Variants in CSTF2T observed in about 807,000 individuals in gnomAD.
CSTF2T encodes cleavage stimulation factor subunit 2 tau variant, also known as CF-1 64 kDa subunit tau.
In CSTF2T, 18 loss-of-function variants were observed where a neutral mutation model predicts 39.9. The ratio of observed to expected loss-of-function variants is 0.45; its 90% confidence interval spans 0.31 to 0.67. CSTF2T has a LOEUF of 0.67. Among genes scored for constraint, CSTF2T ranks in the 30% least tolerant of loss-of-function variants. The pLI is 0.06. For missense variants in CSTF2T, 681 were observed against 789.0 expected (o/e 0.86, Z 1.64); for synonymous variants, 291 against 276.4 (o/e 1.05, Z -0.52).
At position 51,698,531 on chromosome 10, in the gene CSTF2T, C is replaced by G. The variant is rs1290045936; in HGVS notation, c.1019G>C (p.Gly340Ala). 9.9e-6 allele frequency: 16 copies of G among 1,614,028 alleles called. No individual in the cohort carries two copies. The highest frequency in any genetic ancestry group is 1.4e-5 in the Non-Finnish European group (16 of 1,180,030). ...LGDAPNDPRG[G>A]TLLSVTGEVE... ...TTCTCCAGTGACTGAAAGCAAAGTC[C>G]CTCCACGTGGGTCATTTGGAGCATC... The change falls in exon 1 of 1, where the codon GGG (glycine) becomes GCG (alanine). Residue 340 changes from glycine (G) to alanine (A), a missense_variant. By Grantham distance (60) the Gly-to-Ala change is moderately conservative. Coordinates refer to ENST00000331173, the MANE Select transcript of CSTF2T (RefSeq NM_015235.3).
At position 51,697,630 on chromosome 10, in the gene CSTF2T, C is replaced by T. The variant is rs1214357831; in HGVS notation, c.*69G>A. ...CCAAGTGTGGGGATACAGAAGTCAG[C>T]TTTTTGCACCCATTCTCCATGCTAC... On this transcript the variant is annotated 3_prime_UTR_variant, in exon 1 of 1. Transcript: ENST00000331173. 1.3e-6 allele frequency: 2 copies of T among 1,506,578 alleles called. No individual in the cohort carries two copies. Among genetic ancestry groups the T allele is most frequent in the Non-Finnish European group, 1.8e-6 (2 of 1,100,990 alleles). 93.3% of individuals were successfully genotyped at this position (1,506,578 alleles called of 1,614,324 possible).
chr10:51,697,551 G>A lies in CSTF2T; in HGVS notation c.*148C>T. 1.2e-6 allele frequency: 1 copy of A among 800,130 alleles called. No homozygotes were observed. The highest frequency in any genetic ancestry group is 2.8e-5 in the East Asian group (1 of 36,314). 49.6% of individuals were successfully genotyped at this position (800,130 alleles called of 1,614,324 possible). On this transcript the variant is annotated 3_prime_UTR_variant, in exon 1 of 1. Transcript: ENST00000331173. ...ATTAAAAAAAAAAGGAAAACAGAAA[G>A]AAAGAAAAAGAACAAAAAATAAGAT...
At position 51,695,557 on chromosome 10, in the gene CSTF2T, AT is replaced by A. The variant is rs1292814627; in HGVS notation, c.*2141del. On this transcript the variant is annotated 3_prime_UTR_variant, in exon 1 of 1. Transcript: ENST00000331173. ...TTTGACTAAAGACTAACATTTAATA[AT>A]TTTCAGTTACAGCCCTTCAGTGAAA... The A allele has an allele frequency of 6.6e-6, 1 of 152,190 alleles. No homozygotes were observed. Among genetic ancestry groups the A allele is most frequent in the African/African-American group, 2.4e-5 (1 of 41,454 alleles). 9.4% of individuals were successfully genotyped at this position (152,190 alleles called of 1,614,324 possible).
rs1313959914 is a variant in CSTF2T at position 51,698,651 on chromosome 10, AAAGGCACTGGGCC to A, written c.886_898del (p.Gly296Ter). 6.2e-7 allele frequency: 1 copy of A among 1,614,040 alleles called. No individual in the cohort carries two copies. Among genetic ancestry groups the A allele is most frequent in the Non-Finnish European group, 8.5e-7 (1 of 1,180,032 alleles). ...TGACATCTGCACTTGTCCCCGCTCT[AAAGGCACTGGGCC>A]AACCCCTGGCATTCCAAGTTGGGGC... On this transcript the variant is annotated frameshift_variant, in exon 1 of 1. Coordinates refer to ENST00000331173, the MANE Select transcript of CSTF2T (RefSeq NM_015235.3). LOFTEE classifies it high-confidence loss of function.
Position 51,698,962 on chromosome 10 carries a change from A to G in CSTF2T, c.588T>C (p.His196=). ...ATTTGCCTGGGATCAGTGGTGTGAC[A>G]TGTATCTTCCGATGCAGAATTTTCA... is the stretch of plus-strand genomic sequence containing the variant. ...IALKILHRKI[H]VTPLIPGKSQ... is the part of the protein sequence containing the mutation. The change falls in exon 1 of 1, where the codon CAT becomes CAC. Residue 196 remains histidine, a synonymous_variant. Transcript: ENST00000331173. 6.2e-7 allele frequency: 1 copy of G among 1,614,242 alleles called. No homozygotes were observed. Among genetic ancestry groups the G allele is most frequent in the Non-Finnish European group, 8.5e-7 (1 of 1,180,044 alleles).
Position 51,697,864 on chromosome 10 carries a change from A to G in CSTF2T, c.1686T>C (p.Phe562=). The change falls in exon 1 of 1, where the codon TTT becomes TTC. Residue 562 remains phenylalanine, a synonymous_variant. Coordinates refer to ENST00000331173, the MANE Select transcript of CSTF2T (RefSeq NM_015235.3). ...SKQGGSQPSS[F]SPGQSQVTPQ... ...GAGTGACCTGGCTCTGCCCAGGACT[A>G]AAACTGCTAGGCTGGCTTCCACCTT... is the stretch of plus-strand genomic sequence containing the variant. 6.2e-7 allele frequency: 1 copy of G among 1,613,972 alleles called. No homozygotes were observed. Among genetic ancestry groups the G allele is most frequent in the Non-Finnish European group, 8.5e-7 (1 of 1,179,934 alleles).
Position 51,699,322 on chromosome 10 carries a change from G to A in CSTF2T, c.228C>T (p.Asn76=), listed in dbSNP as rs865933483. The change falls in exon 1 of 1, where the codon AAC becomes AAT. Residue 76 remains asparagine (N), a synonymous_variant. Coordinates refer to ENST00000331173, the MANE Select transcript of CSTF2T (RefSeq NM_015235.3). ...DQETALSAMR[N]LNGREFSGRA... The stretch of plus-strand genomic sequence containing the variant: ...TCCCACTGAACTCCCGCCCATTGAG[G>A]TTCCGCATGGCACTAAGCGCGGTCT... 1.2e-6 allele frequency: 2 copies of A among 1,614,098 alleles called. No individual in the cohort carries two copies. Among genetic ancestry groups the A allele is most frequent in the Non-Finnish European group, 1.7e-6 (2 of 1,180,020 alleles).
rs1841281553 is a variant in CSTF2T, at chr10:51,696,005, GA to G, written c.*1693del. 6.6e-6 allele frequency: 1 copy of G among 151,976 alleles called. No individual in the cohort carries two copies. Among genetic ancestry groups the G allele is most frequent in the African/African-American group, 2.4e-5 (1 of 41,352 alleles). 9.4% of individuals were successfully genotyped at this position (151,976 alleles called of 1,614,324 possible). On this transcript the variant is annotated 3_prime_UTR_variant, in exon 1 of 1. Transcript: ENST00000331173. Reference sequence around the variant, plus strand: ...CACATCCTCAAGGCTTTATTTTCAAGAAAAAATAAAGTCGTAGTAGCACAAT... The same window carrying G: ...CACATCCTCAAGGCTTTATTTTCAAGAAAAATAAAGTCGTAGTAGCACAAT...
rs775871966 is a variant in CSTF2T at position 51,697,959 on chromosome 10, C to T, written c.1591G>A (p.Ala531Thr). 9 of 1,600,006 alleles carry T rather than the reference C, an allele frequency of 5.6e-6. No individual in the cohort carries two copies. Among genetic ancestry groups the T allele is most frequent in the Non-Finnish European group, 7.7e-6 (9 of 1,173,202 alleles). ...AGIQGGGMQGAGIQGVSIQGG... is the reference protein window; with the variant it reads ...AGIQGGGMQGTGIQGVSIQGG... Reference sequence around the variant, plus strand: ...TGTATACTGACTCCTTGTATGCCTGCCCCCTGCATCCCTCCTCCTTGTATG... The same window carrying T: ...TGTATACTGACTCCTTGTATGCCTGTCCCCTGCATCCCTCCTCCTTGTATG... Residue 531 changes from alanine to threonine, a missense_variant, in exon 1 of 1, where the codon GCA becomes ACA. By Grantham distance (58) the Ala-to-Thr change is moderately conservative. This residue lies in a region of CSTF2T where 282 missense variants were observed against 289.2 expected (regional missense o/e 0.98). Transcript: ENST00000331173.
In CSTF2T at chr10:51,698,715, A is replaced by G. The variant is rs745561958; in HGVS notation, c.835T>C (p.Ser279Pro). 6.2e-7 allele frequency: 1 copy of G among 1,614,188 alleles called. No homozygotes were observed. The stretch of plus-strand genomic sequence containing the variant: ...TGCATTGCTCCTCCAGGAGTTAAGG[A>G]ACCAGGACCAGCTCCGGGAACTGCA... ...PAAVPGAGPG[S>P]LTPGGAMQPQ... Residue 279 changes from serine (S) to proline (P), a missense_variant, in exon 1 of 1, where the codon TCC (serine) becomes CCC (proline). Physicochemically the swap from Ser to Pro is moderately conservative, Grantham distance 74. Coordinates refer to ENST00000331173, the MANE Select transcript of CSTF2T (RefSeq NM_015235.3).
At position 51,698,721 on chromosome 10, in the gene CSTF2T, G is replaced by C. The variant is rs1841377499; in HGVS notation, c.829C>G (p.Pro277Ala). The C allele has an allele frequency of 6.2e-7, 1 of 1,614,118 alleles. No individual in the cohort carries two copies. Among genetic ancestry groups the C allele is most frequent in the African/African-American group, 1.3e-5 (1 of 74,946 alleles). ...PIPAAVPGAG[P>A]GSLTPGGAMQ... is the part of the protein sequence containing the mutation. ...GCTCCTCCAGGAGTTAAGGAACCAG[G>C]ACCAGCTCCGGGAACTGCAGCTGGT... The change falls in exon 1 of 1, where the codon CCT becomes GCT. Residue 277 changes from proline (P) to alanine (A), a missense_variant. Transcript: ENST00000331173.
At position 51,697,248 on chromosome 10, in the gene CSTF2T, G is replaced by C. The variant is rs1841319170; in HGVS notation, c.*451C>G. ...TATTTTAAATGGTTTACCAAAAAAT[G>C]TATCTTATACTTTTGGGTAAACTTT... is the stretch of plus-strand genomic sequence containing the variant. On this transcript the variant is annotated 3_prime_UTR_variant, in exon 1 of 1. Coordinates refer to ENST00000331173, the MANE Select transcript of CSTF2T (RefSeq NM_015235.3). The C allele has an allele frequency of 6.4e-6, 1 of 156,300 alleles. No individual in the cohort carries two copies. Among genetic ancestry groups the C allele is most frequent in the Non-Finnish European group, 1.4e-5 (1 of 70,980 alleles). 9.7% of individuals were successfully genotyped at this position (156,300 alleles called of 1,614,324 possible). A position where few individuals can be genotyped will look rare whatever the true frequency, so the allele number is the denominator to read the frequency against.
chr10:51,697,803 C>A lies in CSTF2T; in HGVS notation c.1747G>T (p.Val583Phe). 6.2e-7 allele frequency: 1 copy of A among 1,614,178 alleles called. No individual in the cohort carries two copies. Among genetic ancestry groups the A allele is most frequent in the Non-Finnish European group, 8.5e-7 (1 of 1,180,028 alleles). Residue 583 changes from valine (V) to phenylalanine (F), a missense_variant, in exon 1 of 1, where the codon GTT becomes TTT. Transcript: ENST00000331173. ...DQEKAALIMQ[V>F]LQLTADQIAM... is the part of the protein sequence containing the mutation. ...ATCTGATCTGCAGTCAGTTGAAGAA[C>A]CTGCATGATCAAAGCTGCCTTCTCC...
rs764098088 is a variant in CSTF2T at position 51,698,484 on chromosome 10, C to G, written c.1066G>C (p.Gly356Arg). The part of the protein sequence containing the change: ...TGEVEPRGYL[G>R]PPHQGPPMHH... ...ATGGGGGGACCCTGATGGGGTGGACCCAGATAACCTCTGGGCTCCACTTCT... is the reference window on the plus strand; with the variant it reads ...ATGGGGGGACCCTGATGGGGTGGACGCAGATAACCTCTGGGCTCCACTTCT... Residue 356 changes from glycine to arginine, a missense_variant, in exon 1 of 1, where the codon GGT becomes CGT. Physicochemically the swap from Gly to Arg is moderately radical, Grantham distance 125. Transcript: ENST00000331173. 1 of 1,614,104 alleles carries G rather than the reference C, an allele frequency of 6.2e-7. No homozygotes were observed. The highest frequency in any genetic ancestry group is 8.5e-7 in the Non-Finnish European group (1 of 1,180,026).
Position 51,699,391 on chromosome 10 carries a change from C to T in CSTF2T, c.159G>A (p.Thr53=). 3 of 1,614,088 alleles carry T rather than the reference C, an allele frequency of 1.9e-6. No homozygotes were observed. Among genetic ancestry groups the T allele is most frequent in the South Asian group, 1.1e-5 (1 of 91,074 alleles). The change falls in exon 1 of 1, where the codon ACG becomes ACA. Residue 53 remains threonine (T), a synonymous_variant. Coordinates refer to ENST00000331173, the MANE Select transcript of CSTF2T (RefSeq NM_015235.3). Reference sequence around the variant, plus strand: ...AGAAGCCATAGCCCTTGGGTTTTCCCGTCTCTCTATCGTATACCAGCCGGA... The same window carrying T: ...AGAAGCCATAGCCCTTGGGTTTTCCTGTCTCTCTATCGTATACCAGCCGGA... ...VSFRLVYDRE[T]GKPKGYGFCE... is the part of the protein sequence containing the mutation.
chr10:51,699,316 A>T lies in CSTF2T; in HGVS notation c.234T>A (p.Asn78Lys), dbSNP rs1171740824. Residue 78 changes from asparagine to lysine, a missense_variant, in exon 1 of 1, where the codon AAT becomes AAA. This residue lies in a region of CSTF2T where 65 missense variants were observed against 134.2 expected (regional missense o/e 0.48). Transcript: ENST00000331173. The stretch of plus-strand genomic sequence containing the variant: ...GCGCTCTCCCACTGAACTCCCGCCC[A>T]TTGAGGTTCCGCATGGCACTAAGCG... The part of the protein sequence containing the change: ...ETALSAMRNL[N>K]GREFSGRALR... 6.2e-7 allele frequency: 1 copy of T among 1,613,996 alleles called. No homozygotes were observed. The highest frequency in any genetic ancestry group is 1.1e-5 in the South Asian group (1 of 91,080).
In CSTF2T at chr10:51,698,047, C is replaced by A; in HGVS notation, c.1503G>T (p.Val501=). 6.2e-7 allele frequency: 1 copy of A among 1,614,090 alleles called. No homozygotes were observed. ...CCTGCATACCAGCTCCAGGATTCCC[C>A]ACCCCTGAAATGCCTGGGACCTGTC... ...GPRQVPGISG[V]GNPGAGMQGT... The change falls in exon 1 of 1, where the codon GTG becomes GTT. Residue 501 remains valine, a synonymous_variant. Coordinates refer to ENST00000331173, the MANE Select transcript of CSTF2T (RefSeq NM_015235.3).
At position 51,698,635 on chromosome 10, in the gene CSTF2T, C is replaced by T. The variant is rs1841373984; in HGVS notation, c.915G>A (p.Val305=). ...TAGGAGCTCTAGGATCTGACATCTG[C>T]ACTTGTCCCCGCTCTAAAGGCACTG... ...VGPVPLERGQ[V]QMSDPRAPIP... The change falls in exon 1 of 1, where the codon GTG becomes GTA. Residue 305 remains valine, a synonymous_variant. Transcript: ENST00000331173. 6.2e-7 allele frequency: 1 copy of T among 1,614,086 alleles called. No individual in the cohort carries two copies. Among genetic ancestry groups the T allele is most frequent in the Non-Finnish European group, 8.5e-7 (1 of 1,180,032 alleles).
chr10:51,698,036 C>T lies in CSTF2T; in HGVS notation c.1514G>A (p.Gly505Glu). ...TATGCCTGTACCCTGCATACCAGCT[C>T]CAGGATTCCCCACCCCTGAAATGCC... ...VPGISGVGNP[G>E]AGMQGTGIQG... Residue 505 changes from glycine (G) to glutamate (E), a missense_variant, in exon 1 of 1, where the codon GGA (glycine) becomes GAA (glutamate). Gly to Glu is a moderately conservative substitution (Grantham distance 98). Around this residue, in one of 4 missense-constraint regions of CSTF2T, gnomAD observed 282 missense variants for 289.2 expected, o/e 0.98. Coordinates refer to ENST00000331173, the MANE Select transcript of CSTF2T (RefSeq NM_015235.3). The T allele has an allele frequency of 6.2e-7, 1 of 1,614,080 alleles. No individual in the cohort carries two copies. Among genetic ancestry groups the T allele is most frequent in the African/African-American group, 1.3e-5 (1 of 74,990 alleles).
Sources: allele counts gnomAD v4.1 joint callset, GRCh38; gene constraint gnomAD v4.1.1; regional missense constraint gnomAD v4.1.1; transcripts MANE v1.5; gene names NCBI Gene and HGNC (gene_info 2026-07-23, HGNC 2026-07-21).